The following KCNU1 variants were observed in gnomAD, a reference collection of about 807,000 sequenced individuals.
The protein encoded by KCNU1 is potassium calcium-activated channel subfamily U member 1.
A neutral mutation model predicts 126.8 loss-of-function variants in KCNU1; 93 were observed. The observed-to-expected ratio is 0.73, with a 90% CI of 0.62 to 0.87. KCNU1 has a LOEUF of 0.87. KCNU1 is among the 40% of genes least tolerant of loss of function. The pLI is 0.00. For missense variants in KCNU1, 1,330 were observed against 1,367.1 expected (o/e 0.97, Z 0.43); for synonymous variants, 523 against 494.2 (o/e 1.06, Z -0.77).
Position 36,884,462 on chromosome 8 carries a change from G to A in KCNU1, c.2009+19941G>A, listed in dbSNP as rs566271664. 6.6e-5 allele frequency among the ~76,000 whole-genome samples: 10 copies of A among 152,270 alleles called. No homozygotes were observed. The East Asian group carries it at 9.7e-4, about 15-fold the overall frequency. ...CACATTTGAAAACCAGTAGCCGGGC[G>A]CGGTGGCTCATGCCTGTAATCCCAG... On this transcript the variant is annotated intron_variant, in intron 19 of 26. Transcript: ENST00000399881.
intron 22 of KCNU1, among the ~76,000 whole-genome samples, chr8:36,913,460 A>G (rs1321926852): frequency 1.1e-4 from 16 of 152,148 alleles, no homozygotes; most frequent in Non-Finnish European, 8.8e-5. Flanking sequence ...GTTAGAGAAG[A>G]ATGTGCTAAG....
At chr8:36,929,335 G>A (rs1175687478) in intron 24 of KCNU1, among the ~76,000 whole-genome samples, 1 of 145,340 alleles carries the variant, frequency 6.9e-6, no homozygotes, top group African/African-American at 2.6e-5. Context: ...AGTGAGCCGA[G>A]ATTGTGCCAC....
At chr8:36,822,487 T>C (rs1804166383) in intron 10 of KCNU1, among the ~76,000 whole-genome samples, 1 of 152,104 alleles carries the variant, frequency 6.6e-6, no homozygotes, top group Non-Finnish European at 1.5e-5. Flanking sequence ...AATAATAACT[T>C]GTTATTTAAG....
chr8:36,866,579 C>G (rs1805919482), intron 19 of KCNU1, among the ~76,000 whole-genome samples: 3 of 152,142 alleles, frequency 2.0e-5, no homozygotes, highest in African/African-American at 4.8e-5. Flanking sequence ...AACAACAAAA[C>G]AGTCACAGAT....
At chr8:36,928,904 A>C in intron 24 of KCNU1, 5 of 632,976 alleles carry the variant, frequency 7.9e-6, no homozygotes, top group Non-Finnish European at 1.1e-5. Flanking sequence ...ATTCTGATCC[A>C]GGAGATCTGG....
At chr8:36,838,698 A>C (rs1382817691) in intron 14 of KCNU1, among the ~76,000 whole-genome samples, 1 of 152,128 alleles carries the variant, frequency 6.6e-6, no homozygotes, top group East Asian at 1.9e-4. Context: ...CTCTGTCTCA[A>C]AAAAACCAAT....
At position 36,935,777 on chromosome 8, in the gene KCNU1, A is replaced by G; in HGVS notation, c.3307A>G (p.Lys1103Glu). 1.2e-6 allele frequency: 2 copies of G among 1,613,498 alleles called. No individual in the cohort carries two copies. Among genetic ancestry groups the G allele is most frequent in the Non-Finnish European group, 1.7e-6 (2 of 1,179,562 alleles). Reference protein sequence around the residue: ...QPRTNSLSFPKQIAWNQSRTN... With the variant: ...QPRTNSLSFPEQIAWNQSRTN... ...GAGAACTAACTCCCTCTCTTTTCCT[A>G]AGCAAATAGCATGGAATCAGAGTAG... The change falls in exon 27 of 27, where the codon AAG becomes GAG. Residue 1103 changes from lysine to glutamate, a missense_variant. Physicochemically the swap from Lys to Glu is moderately conservative, Grantham distance 56. This residue lies in a region of KCNU1 where 1,054 missense variants were observed against 1,053.9 expected (regional missense o/e 1.00). Coordinates refer to ENST00000399881, the MANE Select transcript of KCNU1 (RefSeq NM_001031836.3).
chr8:36,790,103 C>A (rs1289801194), intron 2 of KCNU1, among the ~76,000 whole-genome samples: 1 of 152,130 alleles, frequency 6.6e-6, no homozygotes, highest in African/African-American at 2.4e-5. Context: ...AATAAAGGAA[C>A]TGTCAAAAGT....
At chr8:36,804,993 A>G (rs1281814853) in intron 3 of KCNU1, among the ~76,000 whole-genome samples, 1 of 152,304 alleles carries the variant, frequency 6.6e-6, no homozygotes, top group East Asian at 1.9e-4. Context: ...TCTTATTTCC[A>G]GTGCTATTGG....
intron 10 of KCNU1, among the ~76,000 whole-genome samples, chr8:36,827,214 C>T (rs894805653): frequency 6.6e-6 from 1 of 152,208 alleles, no homozygotes; most frequent in Non-Finnish European, 1.5e-5. Flanking sequence ...CTAATCCAAG[C>T]TCAATGCTTG....
chr8:36,805,088 C>T (rs1693825613), intron 3 of KCNU1, 107 bp from the exon 4 acceptor site: 1 of 680,572 alleles, frequency 1.5e-6, no homozygotes, highest in African/African-American at 1.8e-5. Context: ...TGTCTGGATT[C>T]ATGGTGAATA....
intron 18 of KCNU1, among the ~76,000 whole-genome samples, chr8:36,861,939 G>A (rs1407042213): frequency 6.6e-6 from 1 of 152,038 alleles, no homozygotes; most frequent in Non-Finnish European, 1.5e-5. Context: ...GTATTTAGAA[G>A]GACTTTCATT....
intron 6 of KCNU1, among the ~76,000 whole-genome samples, chr8:36,807,902 T>C (rs1079674): frequency 0.24 from 35,811 of 152,042 alleles, 4,949 homozygotes; most frequent in African/African-American, 0.37. Flanking sequence ...CAGTGAACTA[T>C]TGCTTGCAGA....
At chr8:36,882,756 T>C (rs1806534976) in intron 19 of KCNU1, among the ~76,000 whole-genome samples, 1 of 152,050 alleles carries the variant, frequency 6.6e-6, no homozygotes, top group Non-Finnish European at 1.5e-5. Context: ...GCTAATTTTA[T>C]GTTTTTAGTA....
At chr8:36,929,097 A>G (rs574321874) in intron 24 of KCNU1, 36 of 675,516 alleles carry the variant, frequency 5.3e-5, no homozygotes, top group South Asian at 9.6e-5. Flanking sequence ...TGAAAAAACA[A>G]TCAGCCAGAC....
chr8:36,813,991 G>A (rs1350594664), intron 7 of KCNU1, among the ~76,000 whole-genome samples: 1 of 152,028 alleles, frequency 6.6e-6, no homozygotes, highest in Admixed American at 6.6e-5. Flanking sequence ...CTCAGATTTC[G>A]GCAATGATCA....
chr8:36,915,477 C>A (rs913745514), intron 22 of KCNU1, among the ~76,000 whole-genome samples: 1 of 152,348 alleles, frequency 6.6e-6, no homozygotes, highest in Middle Eastern at 3.4e-3. Context: ...TAATTCTTAT[C>A]TCTTTACAGT....
intron 2 of KCNU1, among the ~76,000 whole-genome samples, chr8:36,798,467 ATTAACATAGCTAGATCTTT>A (rs1803186839): frequency 6.6e-6 from 1 of 152,204 alleles, no homozygotes; most frequent in Non-Finnish European, 1.5e-5. Flanking sequence ...AAGAATCTCT[ATTAACATAGCTAGATCTTT>A]TTCTTCCAGG....
rs192964666 is a variant in KCNU1, at chr8:36,840,574, C to G, written c.1630C>G (p.Arg544Gly). ...TGGAATGAGCTTTCCTGAAGTTGCC[C>G]GGTAAGTGAAGTGAAATACTTCCCT... is the stretch of plus-strand genomic sequence containing the variant. The part of the protein sequence containing the change: ...FAGMSFPEVA[R>G]LCFLKMHLLL... The change falls in exon 15 of 27, where the codon CGG becomes GGG. Residue 544 changes from arginine (R) to glycine (G), a missense_variant and splice_region_variant. Coordinates refer to ENST00000399881, the MANE Select transcript of KCNU1 (RefSeq NM_001031836.3). 3 of 1,569,722 alleles carry G rather than the reference C, an allele frequency of 1.9e-6. No homozygotes were observed. Among genetic ancestry groups the G allele is most frequent in the Non-Finnish European group, 2.6e-6 (3 of 1,140,630 alleles).
Sources: allele counts gnomAD v4.1 joint callset (sites outside exome capture counted in the v4.1 genomes callset), GRCh38; gene constraint gnomAD v4.1.1; regional missense constraint gnomAD v4.1.1; transcripts MANE v1.5; gene names NCBI Gene and HGNC (gene_info 2026-07-23, HGNC 2026-07-21).